Variants in RALYL observed in about 807,000 individuals in gnomAD.
RALYL encodes the protein RNA-binding Raly-like protein.
Under a neutral mutation model 35.1 loss-of-function variants are expected in RALYL, and 29 were observed. The ratio of observed to expected loss-of-function variants is 0.83; its 90% CI spans 0.61 to 1.13. The LOEUF (loss-of-function observed/expected upper bound fraction) is 1.13. Among genes scored for constraint, RALYL ranks in the 50% most tolerant of loss-of-function variants. The pLI, the probability that RALYL is intolerant of heterozygous loss-of-function variation, is 0.00. For missense variants in RALYL, 359 were observed against 360.4 expected, an observed-to-expected ratio of 1.00 and a Z score of 0.03; for synonymous variants, 120 against 127.6, an observed-to-expected ratio of 0.94 and a Z score of 0.40.
rs753121762 is a variant in RALYL at position 84,184,751 on chromosome 8, C to T, written c.-24+327C>T. 46 of 414,116 alleles carry T rather than the reference C, an allele frequency of 1.1e-4. 1 individual carries two copies. Among genetic ancestry groups the T allele is most frequent in the Middle Eastern group, 6.3e-4 (1 of 1,596 alleles). The allele number at this position is 414,116 out of a possible 1,614,324, so 25.7% of individuals were successfully genotyped here. On this transcript the variant is annotated intron_variant, in intron 1 of 8. Coordinates refer to ENST00000521268, the MANE Select transcript of RALYL (RefSeq NM_173848.7). ...CGCCGGCCGGGCACTAGGCGGCCGG[C>T]GGGCCCTGTAAGTTCTCCGAGGGCC... is the stretch of plus-strand genomic sequence containing the variant.
chr8:84,920,192 A>T (rs1401199553), intron 8 of RALYL, among the ~76,000 whole-genome samples: 1 of 152,168 alleles, frequency 6.6e-6, no homozygotes, highest in Admixed American at 6.5e-5. Flanking sequence ...TGATGGGATA[A>T]CAGTAGGTCT....
intron 2 of RALYL, among the ~76,000 whole-genome samples, chr8:84,641,746 G>A (rs1029778274): frequency 1.4e-5 from 2 of 144,608 alleles, no homozygotes; most frequent in African/African-American, 2.6e-5. Context: ...AGAAGATTCA[G>A]CTGTTTTTAT....
chr8:84,372,913 TTTAC>T (rs1856166271), intron 1 of RALYL, among the ~76,000 whole-genome samples: 11 of 138,704 alleles, frequency 7.9e-5, no homozygotes, highest in Non-Finnish European at 7.8e-5. Flanking sequence ...TTTTTTTTTT[TTTAC>T]TTTTTAATAA....
In RALYL at chr8:84,441,113, G is replaced by T; in HGVS notation, c.-23-88186G>T. ...GTGGTGTATTTTTTTAATAATAAAT[G>T]ATACTTTAAAGCATATTAATGTATA... On this transcript the variant is annotated intron_variant, in intron 1 of 8. Transcript: ENST00000521268. Among the ~76,000 whole-genome samples the T allele has an allele frequency of 1.3e-5, 2 of 151,918 alleles. 1 individual carries two copies. Among genetic ancestry groups the T allele is most frequent in the South Asian group, 4.2e-4 (2 of 4,814 alleles).
intron 5 of RALYL, among the ~76,000 whole-genome samples, chr8:84,855,547 G>A (rs1836785731): frequency 6.6e-6 from 1 of 152,096 alleles, no homozygotes; most frequent in South Asian, 2.1e-4. Flanking sequence ...TTTACACAAA[G>A]CATTGCCCAA....
chr8:84,384,120 T>C (rs553652021), intron 1 of RALYL, among the ~76,000 whole-genome samples: 1 of 151,858 alleles, frequency 6.6e-6, no homozygotes, highest in South Asian at 2.1e-4. Context: ...AATGCCTTTG[T>C]ATCAAGAAGA....
At chr8:84,444,389 A>G (rs1284533348) in intron 1 of RALYL, among the ~76,000 whole-genome samples, 1 of 152,088 alleles carries the variant, frequency 6.6e-6, no homozygotes, top group East Asian at 1.9e-4. Flanking sequence ...CACACCCAAA[A>G]CAAGAACATC....
chr8:84,241,662 C>A (rs572419735), intron 1 of RALYL, among the ~76,000 whole-genome samples: 1 of 151,712 alleles, frequency 6.6e-6, no homozygotes, highest in South Asian at 2.1e-4. Context: ...CCTGTAGTCC[C>A]AGCTACTCAG....
intron 2 of RALYL, among the ~76,000 whole-genome samples, chr8:84,768,091 G>A (rs745941934): frequency 2.0e-4 from 31 of 152,160 alleles, no homozygotes; most frequent in African/African-American, 5.6e-4. Context: ...TTATGAGAGC[G>A]TAGAAAATTG....
chr8:84,826,806 A>G (rs1471810639), intron 4 of RALYL, among the ~76,000 whole-genome samples: 1 of 151,968 alleles, frequency 6.6e-6, no homozygotes, highest in Non-Finnish European at 1.5e-5. Context: ...CAAAGCTGAC[A>G]GCCAGGTTTT....
At chr8:84,296,256 T>C (rs1297000634) in intron 1 of RALYL, among the ~76,000 whole-genome samples, 1 of 152,154 alleles carries the variant, frequency 6.6e-6, no homozygotes, top group Non-Finnish European at 1.5e-5. Context: ...ACTTGGCATC[T>C]GCTACTGGCT....
intron 2 of RALYL, among the ~76,000 whole-genome samples, chr8:84,645,901 C>G (rs1827383930): frequency 6.6e-6 from 1 of 151,916 alleles, no homozygotes; most frequent in South Asian, 2.1e-4. Flanking sequence ...CCTGGAGACC[C>G]TGAGGATACT....
At position 84,351,054 on chromosome 8, in the gene RALYL, G is replaced by C. The variant is rs1035364257; in HGVS notation, c.-24+166630G>C. ...AAAACAAAATACCAAAAATAATAAT[G>C]ATGAATAATTTATTCCTGTTTGTTC... On this transcript the variant is annotated intron_variant, in intron 1 of 8. Coordinates refer to ENST00000521268, the MANE Select transcript of RALYL (RefSeq NM_173848.7). 1.3e-5 allele frequency among the ~76,000 whole-genome samples: 2 copies of C among 149,756 alleles called. 1 individual carries two copies. The highest frequency in any genetic ancestry group is 3.0e-5 in the Non-Finnish European group (2 of 67,570).
chr8:84,719,809 A>G (rs570347572), intron 2 of RALYL, among the ~76,000 whole-genome samples: 1 of 152,172 alleles, frequency 6.6e-6, no homozygotes, highest in South Asian at 2.1e-4. Flanking sequence ...TCTTCCACCT[A>G]TTTTGAAATA....
intron 8 of RALYL, among the ~76,000 whole-genome samples, chr8:84,892,601 ACT>A (rs1412190771): frequency 2.7e-5 from 4 of 149,480 alleles, no homozygotes; most frequent in African/African-American, 7.5e-5. Flanking sequence ...CAGAGCAAAA[ACT>A]CTGTCTTAAA....
chr8:84,621,330 C>T (rs936001749), intron 2 of RALYL, among the ~76,000 whole-genome samples: 1 of 152,184 alleles, frequency 6.6e-6, no homozygotes, highest in Non-Finnish European at 1.5e-5. Context: ...CGGAAAAGCG[C>T]AGTATTCGGG....
intron 1 of RALYL, among the ~76,000 whole-genome samples, chr8:84,524,209 A>C (rs2058702208): frequency 6.6e-6 from 1 of 152,140 alleles, no homozygotes; most frequent in Admixed American, 6.5e-5. Flanking sequence ...CATCTGACAA[A>C]GGGCTAATAT....
intron 2 of RALYL, among the ~76,000 whole-genome samples, chr8:84,684,014 T>C (rs1290361445): frequency 1.3e-5 from 2 of 152,108 alleles, no homozygotes; most frequent in African/African-American, 4.8e-5. Flanking sequence ...CTGGTATGTT[T>C]TTGATCAGAG....
At chr8:84,317,558 G>A (rs1377424041) in intron 1 of RALYL, among the ~76,000 whole-genome samples, 3 of 152,158 alleles carry the variant, frequency 2.0e-5, no homozygotes, top group East Asian at 1.9e-4. Flanking sequence ...CGTCAGAATT[G>A]CCGCATACCA....
Sources: allele counts gnomAD v4.1 joint callset (sites outside exome capture counted in the v4.1 genomes callset), GRCh38; gene constraint gnomAD v4.1.1; transcripts MANE v1.5; gene names NCBI Gene and HGNC (gene_info 2026-07-23, HGNC 2026-07-21).